The following ROBO2 variants were observed in gnomAD, a reference collection of about 807,000 sequenced individuals.
ROBO2 encodes roundabout guidance receptor 2, also known as roundabout homolog 2.
A neutral mutation model predicts 160.8 loss-of-function variants in ROBO2; 53 were observed. The observed-to-expected ratio is 0.33, with a 90% CI of 0.26 to 0.41. The LOEUF is 0.41. ROBO2 is among the 10% of genes least tolerant of loss of function. The pLI is 1.00. For synonymous variants in ROBO2, 664 were observed against 611.7 expected, an observed-to-expected ratio of 1.09 and a Z score of -1.26; for missense variants, 1,577 against 1,722.4, an observed-to-expected ratio of 0.92 and a Z score of 1.49.
chr3:77,587,020 T>TA (rs1339637923), intron 16 of ROBO2, among the ~76,000 whole-genome samples: 1 of 151,952 alleles, frequency 6.6e-6, no homozygotes, highest in African/African-American at 2.4e-5. Context: ...GCAGCTATAA[T>TA]AAAAAAGCCT....
chr3:76,326,120 T>C (rs865824222), intron 2 of ROBO2, among the ~76,000 whole-genome samples: 13 of 152,296 alleles, frequency 8.5e-5, no homozygotes, highest in Non-Finnish European at 1.8e-4. Flanking sequence ...CTTTTGGTCT[T>C]AGAAAATAGC....
intron 25 of ROBO2, 103 bp from the exon 28 acceptor site, chr3:77,645,951 C>T (rs2095409016): frequency 1.3e-6 from 1 of 752,214 alleles, no homozygotes. Flanking sequence ...ATCTGAAGAC[C>T]TTATTTTCAT....
intron 2 of ROBO2, among the ~76,000 whole-genome samples, chr3:77,192,753 C>G (rs762096965): frequency 2.7e-4 from 40 of 147,300 alleles, no homozygotes; most frequent in Non-Finnish European, 5.0e-4. Flanking sequence ...TCAAGCAACT[C>G]TGGTGCCTCA....
chr3:76,344,758 A>AG (rs1361000011), intron 2 of ROBO2, among the ~76,000 whole-genome samples: 1 of 152,198 alleles, frequency 6.6e-6, no homozygotes, highest in Admixed American at 6.5e-5. Flanking sequence ...CCCATTATAC[A>AG]GTTAAATATG....
At chr3:76,527,303 A>G (rs1317432851) in intron 2 of ROBO2, among the ~76,000 whole-genome samples, 1 of 152,130 alleles carries the variant, frequency 6.6e-6, no homozygotes, top group African/African-American at 2.4e-5. Flanking sequence ...ATCTATCACT[A>G]ATTTTTTTAA....
intron 2 of ROBO2, among the ~76,000 whole-genome samples, chr3:77,192,950 G>A (rs11927638): frequency 0.066 from 9,940 of 151,728 alleles, 1,062 homozygotes; most frequent in African/African-American, 0.22. Context: ...CACCAAGCCC[G>A]GCCCACATTT....
At position 77,118,124 on chromosome 3, in the gene ROBO2, A is replaced by C. The variant is rs190667134; in HGVS notation, c.388+19784A>C. Reference sequence around the variant, plus strand: ...TGTGGGCCATTATTTATTGTCAAAGACTTCCTGATTTGTCTTAGAATTAAG... The same window carrying C: ...TGTGGGCCATTATTTATTGTCAAAGCCTTCCTGATTTGTCTTAGAATTAAG... On this transcript the variant is annotated intron_variant, in intron 2 of 25. Coordinates refer to ENST00000461745, the Ensembl canonical transcript of ROBO2. Among the ~76,000 whole-genome samples, 45 of 152,308 alleles carry C rather than the reference A, an allele frequency of 3.0e-4. 1 individual carries two copies. The highest frequency in any genetic ancestry group is 3.4e-3 in the Middle Eastern group (1 of 294).
intron 2 of ROBO2, among the ~76,000 whole-genome samples, chr3:76,294,238 G>A (rs1708954894): frequency 6.6e-6 from 1 of 152,152 alleles, no homozygotes; most frequent in African/African-American, 2.4e-5. Flanking sequence ...GAGATGCCTG[G>A]ATCTGCAGCT....
chr3:76,324,737 C>T (rs1399349756), intron 2 of ROBO2, among the ~76,000 whole-genome samples: 1 of 152,118 alleles, frequency 6.6e-6, no homozygotes, highest in East Asian at 1.9e-4. Flanking sequence ...TATCAAAAAA[C>T]TTCTCTGGAA....
rs558888182 is a variant in ROBO2 at position 77,393,139 on chromosome 3, A to G, written c.389-84275A>G. ...ATTTATTGAAAATTTTCTTAATGAA[A>G]TCTCATTTTCTATTTTCTTTGTTTA... On this transcript the variant is annotated intron_variant, in intron 2 of 25. Transcript: ENST00000461745. Among the ~76,000 whole-genome samples, 3 of 152,244 alleles carry G rather than the reference A, an allele frequency of 2.0e-5. No homozygotes were observed. In the South Asian group the frequency reaches 6.2e-4, roughly 32 times the overall value.
chr3:76,690,842 A>AT (rs2092786347), intron 2 of ROBO2, among the ~76,000 whole-genome samples: 3 of 152,034 alleles, frequency 2.0e-5, no homozygotes, highest in South Asian at 2.1e-4. Flanking sequence ...CAATGTTGAG[A>AT]TTTTTCCAGG....
At chr3:76,503,101 T>C (rs918558640) in intron 2 of ROBO2, among the ~76,000 whole-genome samples, 1 of 152,058 alleles carries the variant, frequency 6.6e-6, no homozygotes, top group African/African-American at 2.4e-5. Context: ...ATAGGCTGTC[T>C]GCAGGCTGAG....
At chr3:77,559,234 G>A (rs534155137) in intron 9 of ROBO2, among the ~76,000 whole-genome samples, 7 of 152,052 alleles carry the variant, frequency 4.6e-5, no homozygotes, top group African/African-American at 1.7e-4. Context: ...ATATTATATT[G>A]GCCAGAAGGG....
chr3:76,875,343 G>A (rs1044081933), intron 2 of ROBO2, among the ~76,000 whole-genome samples: 1 of 152,186 alleles, frequency 6.6e-6, no homozygotes, highest in African/African-American at 2.4e-5. Context: ...TTTTGCTATA[G>A]CAGCACAAAG....
chr3:77,418,516 T>C (rs951479484), intron 2 of ROBO2, among the ~76,000 whole-genome samples: 3 of 152,168 alleles, frequency 2.0e-5, no homozygotes, highest in African/African-American at 7.2e-5. Context: ...TTATATTTTC[T>C]CATTTTCTTT....
intron 2 of ROBO2, among the ~76,000 whole-genome samples, chr3:77,119,066 C>T (rs549680263): frequency 2.5e-4 from 38 of 152,166 alleles, no homozygotes; most frequent in Admixed American, 6.5e-4. Context: ...TGAGTTCTCA[C>T]GAGATCTGAT....
chr3:76,020,484 A>G (rs781732892), intron 2 of ROBO2, among the ~76,000 whole-genome samples: 45 of 151,264 alleles, frequency 3.0e-4, no homozygotes, highest in African/African-American at 6.8e-4. Flanking sequence ...TTTAAATTCT[A>G]TTTCCCTCTT....
chr3:76,771,615 T>A, intron 2 of ROBO2, among the ~76,000 whole-genome samples: 1 of 151,306 alleles, frequency 6.6e-6, no homozygotes, highest in East Asian at 2.0e-4. Context: ...TAATGTCTAC[T>A]CTTTTTAAGT....
chr3:76,989,607 G>A (rs1578087487), intron 2 of ROBO2, among the ~76,000 whole-genome samples: 1 of 151,988 alleles, frequency 6.6e-6, no homozygotes, highest in Non-Finnish European at 1.5e-5. Flanking sequence ...AGATTATTAT[G>A]CTAGAGCAAC....
Sources: allele counts gnomAD v4.1 joint callset (sites outside exome capture counted in the v4.1 genomes callset), GRCh38; gene constraint gnomAD v4.1.1; transcripts MANE v1.5; gene names NCBI Gene and HGNC (gene_info 2026-07-23, HGNC 2026-07-21).